The following CAMK2D variants were observed in gnomAD, a reference collection of about 807,000 sequenced individuals.
CAMK2D encodes the protein calcium/calmodulin-dependent protein kinase type II subunit delta.
CAMK2D carries 37 observed loss-of-function variants against 84.0 expected under a neutral mutation model. That is an observed-to-expected ratio of 0.44 (90% CI 0.34 to 0.58). The LOEUF (loss-of-function observed/expected upper bound fraction) is 0.58. Ranked by LOEUF, CAMK2D falls within the 20% of genes least tolerant of loss-of-function variation. CAMK2D has a pLI of 0.02. For synonymous variants in CAMK2D, 202 were observed against 212.5 expected (o/e 0.95, Z 0.43); for missense variants, 448 against 652.5 (o/e 0.69, Z 3.41).
chr4:113,576,506 A>AGT (rs1049623917), intron 4 of CAMK2D, among the ~76,000 whole-genome samples: 10 of 151,902 alleles, frequency 6.6e-5, no homozygotes, highest in Non-Finnish European at 1.0e-4. Context: ...AATCTAGAAG[A>AGT]GTGTGTGTGT....
chr4:113,686,214 A>G (rs2099359413), intron 2 of CAMK2D, among the ~76,000 whole-genome samples: 1 of 152,228 alleles, frequency 6.6e-6, no homozygotes, highest in South Asian at 2.1e-4. Flanking sequence ...ATTTTCAGAT[A>G]ATAAACTCCA....
At chr4:113,708,993 A>G (rs1258042395) in intron 2 of CAMK2D, among the ~76,000 whole-genome samples, 1 of 152,014 alleles carries the variant, frequency 6.6e-6, no homozygotes, top group Non-Finnish European at 1.5e-5. Flanking sequence ...AAGTGCTGGG[A>G]TTACAGGTGT....
At position 113,761,497 on chromosome 4, in the gene CAMK2D, C is replaced by A. The variant is rs2099641320; in HGVS notation, c.-429G>T. 8.6e-6 allele frequency: 9 copies of A among 1,047,238 alleles called. No individual in the cohort carries two copies. Among genetic ancestry groups the A allele is most frequent in the Non-Finnish European group, 1.0e-5 (9 of 866,368 alleles). 64.9% of individuals were successfully genotyped at this position (1,047,238 alleles called of 1,614,324 possible). On this transcript the variant is annotated 5_prime_UTR_variant, in exon 1 of 21. Coordinates refer to ENST00000511664, the MANE Select transcript of CAMK2D (RefSeq NM_001321571.2). The stretch of plus-strand genomic sequence containing the variant: ...GGAGTAGAAGCAGAGGGGAGGGAGT[C>A]CGAGGGGGCGGAGGTGGAGTGCAGC...
At chr4:113,727,071 T>G (rs1254318544) in intron 2 of CAMK2D, among the ~76,000 whole-genome samples, 1 of 152,188 alleles carries the variant, frequency 6.6e-6, no homozygotes, top group Non-Finnish European at 1.5e-5. Context: ...GTGTTCTTTC[T>G]TGTGCATTAT....
intron 16 of CAMK2D, among the ~76,000 whole-genome samples, chr4:113,476,275 G>A (rs1458049560): frequency 1.3e-5 from 2 of 151,986 alleles, no homozygotes; most frequent in East Asian, 1.9e-4. Context: ...AATTTACAAT[G>A]GTCTGTCACA....
chr4:113,544,217 A>G (rs1378076757), intron 6 of CAMK2D, among the ~76,000 whole-genome samples: 1 of 151,820 alleles, frequency 6.6e-6, no homozygotes, highest in Non-Finnish European at 1.5e-5. Flanking sequence ...ACTGCCCCCT[A>G]CTCTACATTA....
chr4:113,731,733 G>A (rs746514985), intron 2 of CAMK2D, among the ~76,000 whole-genome samples: 24 of 151,930 alleles, frequency 1.6e-4, no homozygotes, highest in Admixed American at 3.3e-4. Flanking sequence ...CTACAGGCGC[G>A]CGCCACTATG....
At chr4:113,653,369 G>A (rs950931697) in intron 3 of CAMK2D, among the ~76,000 whole-genome samples, 1 of 151,866 alleles carries the variant, frequency 6.6e-6, no homozygotes, top group East Asian at 1.9e-4. Flanking sequence ...ATCAAATAAG[G>A]TAAATATAAA....
intron 6 of CAMK2D, among the ~76,000 whole-genome samples, chr4:113,546,360 A>G (rs2098571845): frequency 6.6e-6 from 1 of 152,214 alleles, no homozygotes; most frequent in Admixed American, 6.5e-5. Context: ...TAATGGGTAC[A>G]TTTGGTAAGT....
At chr4:113,639,553 T>C (rs1470769414) in intron 3 of CAMK2D, among the ~76,000 whole-genome samples, 1 of 151,984 alleles carries the variant, frequency 6.6e-6, no homozygotes, top group African/African-American at 2.4e-5. Flanking sequence ...GGCACCTTTG[T>C]ACACTACAAC....
At chr4:113,636,411 G>GCAGCAT (rs1232475060) in intron 3 of CAMK2D, among the ~76,000 whole-genome samples, 2 of 152,142 alleles carry the variant, frequency 1.3e-5, no homozygotes, top group African/African-American at 4.8e-5. Context: ...CAGTCCTCTT[G>GCAGCAT]CAGCATAGCA....
At chr4:113,734,819 T>C (rs968350869) in intron 2 of CAMK2D, among the ~76,000 whole-genome samples, 2 of 151,404 alleles carry the variant, frequency 1.3e-5, no homozygotes, top group Non-Finnish European at 2.9e-5. Context: ...AAGTATAATA[T>C]GACCATTCCA....
intron 4 of CAMK2D, among the ~76,000 whole-genome samples, chr4:113,576,906 C>T (rs1036833305): frequency 3.9e-5 from 6 of 152,078 alleles, no homozygotes; most frequent in Non-Finnish European, 7.4e-5. Context: ...TGTGAAACTG[C>T]CTAGATTTAT....
intron 16 of CAMK2D, among the ~76,000 whole-genome samples, chr4:113,483,405 GCTT>G (rs1432192118): frequency 6.6e-6 from 1 of 150,376 alleles, no homozygotes; most frequent in Non-Finnish European, 1.5e-5. Context: ...ATATCCTTAT[GCTT>G]CTTTTTTTTT....
chr4:113,529,422 CT>C (rs1279253324), intron 8 of CAMK2D, among the ~76,000 whole-genome samples: 1 of 152,110 alleles, frequency 6.6e-6, no homozygotes, highest in Non-Finnish European at 1.5e-5. Flanking sequence ...TTTAAATCAA[CT>C]TTTCCAAGCT....
chr4:113,511,200 T>C (rs973280311), intron 12 of CAMK2D, among the ~76,000 whole-genome samples: 2 of 152,110 alleles, frequency 1.3e-5, no homozygotes, highest in Admixed American at 1.3e-4. Context: ...TTAAAGAGCA[T>C]GTTTGGCAAT....
chr4:113,515,381 T>C (rs1342171490), intron 9 of CAMK2D, among the ~76,000 whole-genome samples, 190 bp from the exon 10 acceptor site: 1 of 152,162 alleles, frequency 6.6e-6, no homozygotes, highest in East Asian at 1.9e-4. Flanking sequence ...TAGACAACTA[T>C]ATATATTAAA....
chr4:113,603,727 C>T (rs942101472), intron 4 of CAMK2D, among the ~76,000 whole-genome samples: 3 of 139,944 alleles, frequency 2.1e-5, no homozygotes, highest in Non-Finnish European at 4.6e-5. Flanking sequence ...ATGTTTCTTG[C>T]TATTATATTT....
Position 113,525,946 on chromosome 4 carries a change from A to G in CAMK2D, c.601+5270T>C, listed in dbSNP as rs2098414024. On this transcript the variant is annotated intron_variant, in intron 8 of 20. Coordinates refer to ENST00000511664, the MANE Select transcript of CAMK2D (RefSeq NM_001321571.2). ...AAAGCAACCAAATAGTGTGTCCATT[A>G]CTGTGGTGGTGATTACAATGATGAT... Among the ~76,000 whole-genome samples the G allele has an allele frequency of 2.6e-5, 4 of 152,326 alleles. No homozygotes were observed. The South Asian group carries it at 8.3e-4, about 32-fold the overall frequency.
Sources: allele counts gnomAD v4.1 joint callset (sites outside exome capture counted in the v4.1 genomes callset), GRCh38; gene constraint gnomAD v4.1.1; transcripts MANE v1.5; gene names NCBI Gene and HGNC (gene_info 2026-07-23, HGNC 2026-07-21).